Variants in TONSL observed in about 807,000 individuals in gnomAD.
TONSL encodes tonsoku like, DNA repair protein, also known as tonsoku-like protein.
TONSL carries 112 observed loss-of-function variants against 147.1 expected under a neutral mutation model. The ratio of observed to expected loss-of-function variants is 0.76; its 90% CI spans 0.65 to 0.89. The LOEUF is 0.89. TONSL is among the 40% of genes least tolerant of loss of function. The pLI, the probability that TONSL is intolerant of heterozygous loss-of-function variation, is 0.00. For missense variants in TONSL, 1,883 were observed against 1,864.6 expected, an observed-to-expected ratio of 1.01 and a Z score of -0.18; for synonymous variants, 868 against 801.5, an observed-to-expected ratio of 1.08 and a Z score of -1.40.
Position 144,430,421 on chromosome 8 carries a change from C to G in TONSL, c.3926G>C (p.Ser1309Thr). 6.2e-7 allele frequency: 1 copy of G among 1,610,074 alleles called. No individual in the cohort carries two copies. Among genetic ancestry groups the G allele is most frequent in the South Asian group, 1.1e-5 (1 of 90,432 alleles). Residue 1309 changes from serine (S) to threonine (T), a missense_variant, in exon 25 of 26, where the codon AGC becomes ACC. Coordinates refer to ENST00000409379, the MANE Select transcript of TONSL (RefSeq NM_013432.5). ...GCACTCACCTGACAGGCCAAGGAAG[C>G]TAAGGCCTTGGGGCCGCTTTTGGAG... ...STLQKRPQGLSFLGLSGCAVQ... is the reference protein window; with the variant it reads ...STLQKRPQGLTFLGLSGCAVQ...
chr8:144,436,496 C>T, intron 16 of TONSL, 62 bp downstream of exon 16: 18 of 1,574,482 alleles, frequency 1.1e-5, no homozygotes, highest in Non-Finnish European at 1.5e-5. Flanking sequence ...CTCCCGAAAT[C>T]AGGGCCCGGG....
chr8:144,443,128 G>A lies in TONSL; in HGVS notation c.448+10C>T, dbSNP rs1320562685. 29 of 1,549,040 alleles carry A rather than the reference G, an allele frequency of 1.9e-5. No homozygotes were observed. Among genetic ancestry groups the A allele is most frequent in the Middle Eastern group, 1.7e-4 (1 of 6,006 alleles). ...TTCAGGAGGCAGAAAACGCGGAGGG[G>A]TCTGCCCACCCTCCAGCTCCTCATC... is the stretch of plus-strand genomic sequence containing the variant. On this transcript the variant is annotated intron_variant, in intron 4 of 25. Coordinates refer to ENST00000409379, the MANE Select transcript of TONSL (RefSeq NM_013432.5).
At chr8:144,444,145 G>C in intron 2 of TONSL, 35 bp downstream of exon 2, 1 of 1,375,996 alleles carries the variant, frequency 7.3e-7, no homozygotes, top group Non-Finnish European at 9.4e-7. Flanking sequence ...CCCGGGCCCC[G>C]GCCCTGCCTC....
In TONSL at chr8:144,429,075, C is replaced by T; in HGVS notation, c.*68G>A. 6.2e-6 allele frequency: 9 copies of T among 1,442,526 alleles called. No individual in the cohort carries two copies. Among genetic ancestry groups the T allele is most frequent in the Non-Finnish European group, 7.3e-6 (8 of 1,099,690 alleles). The allele number at this position is 1,442,526 out of a possible 1,614,324, so 89.4% of individuals were successfully genotyped here. ...AAGTGTTGGGATTACAGGCGTGAGC[C>T]ACCGCGCCCGGCCAGCAGCTTCATT... On this transcript the variant is annotated 3_prime_UTR_variant, in exon 26 of 26. Transcript: ENST00000409379.
In TONSL at chr8:144,440,316, C is replaced by T. The variant is rs2721188; in HGVS notation, c.1290+35G>A. 0.62 allele frequency: 968,340 copies of T among 1,562,878 alleles called. 303,460 individuals carry two copies. The highest frequency in any genetic ancestry group is 0.76 in the South Asian group (64,763 of 85,662). ...CAGGCTGCAACGAAGCTGGGCTCAC[C>T]GGGGAGCCAGTATGGGTGGGATGGG... On this transcript the variant is annotated intron_variant, in intron 10 of 25. Coordinates refer to ENST00000409379, the MANE Select transcript of TONSL (RefSeq NM_013432.5).
At chr8:144,434,360 C>T in intron 20 of TONSL, 81 bp from the exon 21 acceptor site, 6 of 1,246,358 alleles carry the variant, frequency 4.8e-6, no homozygotes, top group Non-Finnish European at 6.5e-6. Context: ...CAGGCAGCCC[C>T]TTTTCAACAG....
At position 144,442,234 on chromosome 8, in the gene TONSL, C is replaced by T. The variant is rs759546531; in HGVS notation, c.750+7G>A. Reference sequence around the variant, plus strand: ...AGCCTGAGCTCGGAGCCACGCACAGCGGGTACCTGTGCAATAACCACGCAG... The same window carrying T: ...AGCCTGAGCTCGGAGCCACGCACAGTGGGTACCTGTGCAATAACCACGCAG... On this transcript the variant is annotated splice_region_variant and intron_variant, in intron 6 of 25. Coordinates refer to ENST00000409379, the MANE Select transcript of TONSL (RefSeq NM_013432.5). The T allele has an allele frequency of 1.9e-5, 30 of 1,587,908 alleles. No individual in the cohort carries two copies. Among genetic ancestry groups the T allele is most frequent in the South Asian group, 4.5e-5 (4 of 88,736 alleles).
rs1186913186 is a variant in TONSL, at chr8:144,432,476, A to C, written c.3560-16T>G. 1.3e-6 allele frequency: 2 copies of C among 1,521,244 alleles called. No individual in the cohort carries two copies. Among genetic ancestry groups the C allele is most frequent in the South Asian group, 1.3e-5 (1 of 76,666 alleles). The allele number at this position is 1,521,244 out of a possible 1,614,324, so 94.2% of individuals were successfully genotyped here. A position where few individuals can be genotyped will look rare whatever the true frequency, so the allele number is the denominator to read the frequency against. Reference sequence around the variant, plus strand: ...TGCTCAGCATCTGCACCGGGGCCAGAATCCGTCAGCCCCACGTGGCCACAG... The same window carrying C: ...TGCTCAGCATCTGCACCGGGGCCAGCATCCGTCAGCCCCACGTGGCCACAG... On this transcript the variant is annotated splice_polypyrimidine_tract_variant and intron_variant, in intron 22 of 25. Coordinates refer to ENST00000409379, the MANE Select transcript of TONSL (RefSeq NM_013432.5).
chr8:144,435,016 C>T lies in TONSL; in HGVS notation c.3006+1G>A, dbSNP rs1410421395. The T allele has an allele frequency of 1.2e-6, 2 of 1,612,418 alleles. No homozygotes were observed. The highest frequency in any genetic ancestry group is 1.3e-5 in the African/African-American group (1 of 74,948). ...GGCTCCCCCTCCGCTCTGCGGCTCA[C>T]CTCGTCATTGCTCTGCAGCACATCA... On this transcript the variant is annotated splice_donor_variant, in intron 19 of 25. Transcript: ENST00000409379. LOFTEE classifies it high-confidence loss of function.
At position 144,443,307 on chromosome 8, in the gene TONSL, G is replaced by A; in HGVS notation, c.279C>T (p.Tyr93=). ...YPAALQHQHQ[Y]LELAHSLRNH... ...TGCGCAGGGAATGTGCCAGCTCCAG[G>A]TACTGGTGCTGGTGCTGAGTGTGGA... The change falls in exon 4 of 26, where the codon TAC becomes TAT. Residue 93 remains tyrosine, a synonymous_variant. Coordinates refer to ENST00000409379, the MANE Select transcript of TONSL (RefSeq NM_013432.5). 1.3e-6 allele frequency: 2 copies of A among 1,550,148 alleles called. No individual in the cohort carries two copies. Among genetic ancestry groups the A allele is most frequent in the African/African-American group, 1.4e-5 (1 of 73,170 alleles).
At position 144,434,250 on chromosome 8, in the gene TONSL, C is replaced by T. The variant is rs782337021; in HGVS notation, c.3115G>A (p.Glu1039Lys). The T allele has an allele frequency of 6.6e-7, 1 of 1,522,828 alleles. No individual in the cohort carries two copies. The allele number at this position is 1,522,828 out of a possible 1,614,324, so 94.3% of individuals were successfully genotyped here. Reference sequence around the variant, plus strand: ...AACGAGAGGCCCAAGCCCTGGAGCTCCACGGCCTGCAGCACCTGTTGGTGC... The same window carrying T: ...AACGAGAGGCCCAAGCCCTGGAGCTTCACGGCCTGCAGCACCTGTTGGTGC... The part of the protein sequence containing the change: ...GEHQQVLQAV[E>K]LQGLGLSFSA... The change falls in exon 21 of 26, where the codon GAG becomes AAG. Residue 1039 changes from glutamate to lysine, a missense_variant. Glu to Lys is a moderately conservative substitution (Grantham distance 56, BLOSUM62 1). Coordinates refer to ENST00000409379, the MANE Select transcript of TONSL (RefSeq NM_013432.5).
At chr8:144,439,971 G>A (rs972377191) in intron 11 of TONSL, 50 bp downstream of exon 11, 1 of 815,378 alleles carries the variant, frequency 1.2e-6, no homozygotes, top group Non-Finnish European at 2.1e-6. Flanking sequence ...CCCCTCTCCA[G>A]CCCGGCCCAG....
rs552266324 is a variant in TONSL, at chr8:144,438,665, C to A, written c.1551G>T (p.Arg517=). ...GCACTGTCCTCACCTTGCTCCCCTT[C>A]CGCCGGCCCAGGTGGCCCTGAAGCT... ...DEELQGHLGR[R]KGSKWNRRND... The change falls in exon 12 of 26, where the codon CGG becomes CGT. Residue 517 remains arginine, a synonymous_variant. Transcript: ENST00000409379. The A allele has an allele frequency of 2.5e-6, 4 of 1,613,242 alleles. No homozygotes were observed. In the African/African-American group the frequency reaches 5.3e-5, roughly 22 times the overall value.
At chr8:144,439,457 C>A (rs1181509786) in intron 11 of TONSL, among the ~76,000 whole-genome samples, 1 of 125,980 alleles carries the variant, frequency 7.9e-6, no homozygotes, top group Non-Finnish European at 1.9e-5. Context: ...ACAGCCTTCC[C>A]TGGAACACCC....
rs759275760 is a variant in TONSL at position 144,436,148 on chromosome 8, C to T, written c.2285G>A (p.Cys762Tyr). The part of the protein sequence containing the change: ...PARPSQKRPR[C>Y]SATAQRVAAW... ...TGCCACCCGTTGTGCTGTGGCCGAG[C>T]ACCGAGGCCTCTTCTGGGACGGCCG... is the stretch of plus-strand genomic sequence containing the variant. The change falls in exon 17 of 26, where the codon TGC becomes TAC. Residue 762 changes from cysteine to tyrosine, a missense_variant. Transcript: ENST00000409379. 2.0e-5 allele frequency: 31 copies of T among 1,567,782 alleles called. No individual in the cohort carries two copies. The highest frequency in any genetic ancestry group is 2.6e-5 in the Non-Finnish European group (30 of 1,163,520).
chr8:144,435,155 A>C lies in TONSL; in HGVS notation c.2868T>G (p.Ser956=). 1 of 1,559,452 alleles carries C rather than the reference A, an allele frequency of 6.4e-7. No homozygotes were observed. Among genetic ancestry groups the C allele is most frequent in the Non-Finnish European group, 8.7e-7 (1 of 1,153,294 alleles). Residue 956 remains serine (S), a synonymous_variant, in exon 19 of 26, where the codon TCT becomes TCG. Transcript: ENST00000409379. Reference sequence around the variant, plus strand: ...CCGCCTGCTCGGCCAGCCAGGCCACAGAGTGGGTGTCACTGCTGCAGGGAC... The same window carrying C: ...CCGCCTGCTCGGCCAGCCAGGCCACCGAGTGGGTGTCACTGCTGCAGGGAC... The part of the protein sequence containing the change: ...IPVPHSSDTH[S]VAWLAEQAAQ...
chr8:144,437,402 A>G (rs1311879356), intron 13 of TONSL, among the ~76,000 whole-genome samples: 2 of 152,174 alleles, frequency 1.3e-5, no homozygotes, highest in African/African-American at 4.8e-5. Context: ...CCCAGATCTC[A>G]GCCCATGGGC....
chr8:144,432,514 C>A, intron 22 of TONSL, 54 bp from the exon 23 acceptor site: 1 of 1,455,362 alleles, frequency 6.9e-7, no homozygotes, highest in Non-Finnish European at 9.1e-7. Context: ...CTGTACCCAC[C>A]CCAAGTTCTG....
Position 144,438,679 on chromosome 8 carries a change from G to T in TONSL, c.1537C>A (p.His513Asn). The T allele has an allele frequency of 6.2e-7, 1 of 1,613,262 alleles. No individual in the cohort carries two copies. Among genetic ancestry groups the T allele is most frequent in the African/African-American group, 1.3e-5 (1 of 75,024 alleles). ...QLEEDEELQG[H>N]LGRRKGSKWN... Reference sequence around the variant, plus strand: ...TTGCTCCCCTTCCGCCGGCCCAGGTGGCCCTGAAGCTCCTCGTCCTCCTCC... The same window carrying T: ...TTGCTCCCCTTCCGCCGGCCCAGGTTGCCCTGAAGCTCCTCGTCCTCCTCC... Residue 513 changes from histidine to asparagine, a missense_variant, in exon 12 of 26, where the codon CAC becomes AAC. Transcript: ENST00000409379.
Sources: allele counts gnomAD v4.1 joint callset (sites outside exome capture counted in the v4.1 genomes callset), GRCh38; gene constraint gnomAD v4.1.1; transcripts MANE v1.5; gene names NCBI Gene and HGNC (gene_info 2026-07-23, HGNC 2026-07-21).